The following SLC22A3 variants were observed in gnomAD, a reference collection of about 807,000 sequenced individuals.
SLC22A3 encodes the protein EMT organic cation transporter 3.
Under a neutral mutation model 59.1 loss-of-function variants are expected in SLC22A3, and 51 were observed. That is an observed-to-expected ratio of 0.86 (90% CI 0.69 to 1.09). The LOEUF (loss-of-function observed/expected upper bound fraction) is 1.09, where lower values mean the gene tolerates loss of function less well. SLC22A3 is among the 50% of genes least tolerant of loss of function. SLC22A3 has a pLI of 0.00. For synonymous variants in SLC22A3, 325 were observed against 292.0 expected, an observed-to-expected ratio of 1.11 and a Z score of -1.15; for missense variants, 711 against 726.3, an observed-to-expected ratio of 0.98 and a Z score of 0.24.
chr6:160,368,871 C>T (rs916666515), intron 1 of SLC22A3, among the ~76,000 whole-genome samples: 1 of 152,190 alleles, frequency 6.6e-6, no homozygotes, highest in African/African-American at 2.4e-5. Flanking sequence ...CCTGGTACAT[C>T]TCTTATTTCA....
intron 5 of SLC22A3, among the ~76,000 whole-genome samples, chr6:160,413,336 G>A (rs1787334225): frequency 1.3e-5 from 2 of 152,236 alleles, no homozygotes; most frequent in Admixed American, 1.3e-4. Context: ...GAGAGATCAT[G>A]AACTATGGGA....
At chr6:160,382,793 A>G (rs1785845514) in intron 1 of SLC22A3, among the ~76,000 whole-genome samples, 1 of 152,232 alleles carries the variant, frequency 6.6e-6, no homozygotes, top group African/African-American at 2.4e-5. Flanking sequence ...CATTAAAAGA[A>G]TTAAAGGAAA....
At chr6:160,409,815 T>C (rs11964018) in intron 4 of SLC22A3, among the ~76,000 whole-genome samples, 2,993 of 152,310 alleles carry the variant, frequency 0.02, 92 homozygotes, top group Middle Eastern at 0.11. Flanking sequence ...TGTTTTGTAA[T>C]AAATAGCTTC....
intron 5 of SLC22A3, among the ~76,000 whole-genome samples, chr6:160,431,294 C>G (rs895510164): frequency 6.6e-6 from 1 of 152,174 alleles, no homozygotes; most frequent in African/African-American, 2.4e-5. Context: ...TGGCGGCCGC[C>G]ACGGCGCAGG....
chr6:160,423,582 G>A (rs1583500230), intron 5 of SLC22A3, among the ~76,000 whole-genome samples: 1 of 152,324 alleles, frequency 6.6e-6, no homozygotes, highest in South Asian at 2.1e-4. Context: ...GATGGCCAGT[G>A]ATGATGAGCA....
chr6:160,400,984 G>GAAAAAAAAAAAAA (rs58532600), intron 2 of SLC22A3, among the ~76,000 whole-genome samples: 1 of 78,556 alleles, frequency 1.3e-5, no homozygotes, highest in Non-Finnish European at 2.3e-5. Flanking sequence ...CTCCAAAACT[G>GAAAAAAAAAAAAA]AAAAAAAAAA....
At chr6:160,438,597 T>TACAC (rs10618183) in intron 7 of SLC22A3, among the ~76,000 whole-genome samples, 1 of 149,762 alleles carries the variant, frequency 6.7e-6, no homozygotes, top group Non-Finnish European at 1.5e-5. Flanking sequence ...CACACACACA[T>TACAC]ACACACACAC....
At chr6:160,350,284 T>C (rs894259711) in intron 1 of SLC22A3, among the ~76,000 whole-genome samples, 1 of 152,156 alleles carries the variant, frequency 6.6e-6, no homozygotes, top group Admixed American at 6.5e-5. Context: ...CACATGCAAG[T>C]GTGTTCGCAC....
rs570481482 is a variant in SLC22A3 at position 160,442,994 on chromosome 6, A to G, written c.1397+125A>G. ...TGATATATTAGCCTAGGCTGAATCC[A>G]GCTAGTAAAGAAGATATGCTTTGAG... On this transcript the variant is annotated intron_variant, in intron 8 of 10. Coordinates refer to ENST00000275300, the MANE Select transcript of SLC22A3 (RefSeq NM_021977.4). 98 of 751,630 alleles carry G rather than the reference A, an allele frequency of 1.3e-4. 1 individual carries two copies. The South Asian group carries it at 1.5e-3, about 11-fold the overall frequency. The allele number at this position is 751,630 out of a possible 1,614,324, so 46.6% of individuals were successfully genotyped here. A position where few individuals can be genotyped will look rare whatever the true frequency, so the allele number is the denominator to read the frequency against.
intron 1 of SLC22A3, among the ~76,000 whole-genome samples, chr6:160,395,638 G>A (rs1290335884): frequency 1.3e-5 from 2 of 152,000 alleles, no homozygotes; most frequent in African/African-American, 4.8e-5. Context: ...TTTGTACCTC[G>A]AAAAACCAAA....
At chr6:160,441,573 C>T (rs972013760) in intron 7 of SLC22A3, among the ~76,000 whole-genome samples, 3 of 151,146 alleles carry the variant, frequency 2.0e-5, no homozygotes, top group Non-Finnish European at 4.4e-5. Context: ...TACACCTGTG[C>T]TCCTGGGCAA....
chr6:160,397,843 G>T, intron 1 of SLC22A3, 136 bp from the exon 2 acceptor site: 1 of 714,450 alleles, frequency 1.4e-6, no homozygotes. Context: ...ACATACGTAT[G>T]TGATACATTT....
In SLC22A3 at chr6:160,399,911, A is replaced by C. The variant is rs182683805; in HGVS notation, c.533+1829A>C. Among the ~76,000 whole-genome samples the C allele has an allele frequency of 6.2e-3, 946 of 152,172 alleles. 11 individuals are homozygous for C. The highest frequency in any genetic ancestry group is 0.037 in the Middle Eastern group (11 of 294). On this transcript the variant is annotated intron_variant, in intron 2 of 10. Coordinates refer to ENST00000275300, the MANE Select transcript of SLC22A3 (RefSeq NM_021977.4). ...CCCCGCACCCCCAACCCCACTAAATAGAAAGACAGGAGAATACAGAGAATC... is the reference window on the plus strand; with the variant it reads ...CCCCGCACCCCCAACCCCACTAAATCGAAAGACAGGAGAATACAGAGAATC...
Position 160,451,192 on chromosome 6 carries a change from C to T in SLC22A3, c.*136C>T. The T allele has an allele frequency of 1.2e-5, 9 of 754,626 alleles. 1 individual carries two copies. The South Asian group carries it at 1.4e-4, about 12-fold the overall frequency. 46.7% of individuals were successfully genotyped at this position (754,626 alleles called of 1,614,324 possible). On this transcript the variant is annotated 3_prime_UTR_variant, in exon 11 of 11. Transcript: ENST00000275300. ...TGTAATACTGTATAAAGACCTCAATCTATCCAGAGTATTTTTATATAATGT... is the reference window on the plus strand; with the variant it reads ...TGTAATACTGTATAAAGACCTCAATTTATCCAGAGTATTTTTATATAATGT...
chr6:160,437,162 C>T lies in SLC22A3; in HGVS notation c.1239C>T (p.Ser413=). ...RLGRRLPFAA[S]NIVAGVACLV... is the part of the protein sequence containing the mutation. ...GACGACGCCTCCCCTTTGCGGCAAG[C>T]AATATAGTGGCAGGGGTGGCATGCC... The change falls in exon 7 of 11, where the codon AGC becomes AGT. Residue 413 remains serine, a synonymous_variant. Coordinates refer to ENST00000275300, the MANE Select transcript of SLC22A3 (RefSeq NM_021977.4). 6.2e-7 allele frequency: 1 copy of T among 1,614,146 alleles called. No individual in the cohort carries two copies. Among genetic ancestry groups the T allele is most frequent in the Non-Finnish European group, 8.5e-7 (1 of 1,179,996 alleles).
chr6:160,360,674 T>C (rs1001936655), intron 1 of SLC22A3, among the ~76,000 whole-genome samples: 3 of 152,192 alleles, frequency 2.0e-5, no homozygotes, highest in African/African-American at 7.2e-5. Context: ...AGGCCACCTT[T>C]CCTAAACCAG....
At chr6:160,397,732 C>CAAAAAAA in intron 1 of SLC22A3, among the ~76,000 whole-genome samples, 1 of 88,194 alleles carries the variant, frequency 1.1e-5, no homozygotes, top group Non-Finnish European at 2.4e-5. Context: ...GACTCCATCT[C>CAAAAAAA]AAAAAAAAAA....
chr6:160,360,285 C>T (rs1309853356), intron 1 of SLC22A3, among the ~76,000 whole-genome samples: 3 of 152,094 alleles, frequency 2.0e-5, no homozygotes, highest in Admixed American at 6.6e-5. Flanking sequence ...TGGTGAAACC[C>T]CGTCTCTACT....
At chr6:160,394,752 G>A (rs1334496823) in intron 1 of SLC22A3, among the ~76,000 whole-genome samples, 1 of 152,194 alleles carries the variant, frequency 6.6e-6, no homozygotes, top group African/African-American at 2.4e-5. Context: ...GAGAGGACAG[G>A]GGTCAGGAAG....
Sources: allele counts gnomAD v4.1 joint callset (sites outside exome capture counted in the v4.1 genomes callset), GRCh38; gene constraint gnomAD v4.1.1; transcripts MANE v1.5; gene names NCBI Gene and HGNC (gene_info 2026-07-23, HGNC 2026-07-21).